Variants in ENTREP1 observed in about 807,000 individuals in gnomAD.
ENTREP1 encodes the protein Friedreich ataxia region gene X123.
chr9:69,367,744 CAT>C, the ENTREP1 span, among the ~76,000 whole-genome samples: 891 of 98,678 alleles, frequency 9.0e-3, 36 homozygotes, highest in South Asian at 0.023. Context: ...TATATATACA[CAT>C]ATATAAATAT....
the ENTREP1 span, among the ~76,000 whole-genome samples, chr9:69,333,228 G>A: frequency 6.6e-6 from 1 of 152,106 alleles, no homozygotes; most frequent in African/African-American, 2.4e-5. Context: ...ATGTGGCTGT[G>A]TAGGTGAGGG....
At chr9:69,377,712 G>A in the ENTREP1 span, 10 of 1,613,976 alleles carry the variant, frequency 6.2e-6, no homozygotes, top group Middle Eastern at 1.7e-4. Flanking sequence ...ATTTTGCCAC[G>A]TTTTACTCGT....
chr9:69,358,880 T>TTTTTTC, the ENTREP1 span, among the ~76,000 whole-genome samples: 1 of 148,946 alleles, frequency 6.7e-6, no homozygotes. Flanking sequence ...TAAAGCCTTT[T>TTTTTTC]TTTTTCTTTT....
the ENTREP1 span, among the ~76,000 whole-genome samples, chr9:69,357,829 TTTAA>T: frequency 4.1e-4 from 62 of 152,194 alleles, no homozygotes; most frequent in African/African-American, 8.0e-4. Flanking sequence ...GTGCCTTGTC[TTTAA>T]TTATTTTTTT....
chr9:69,380,395 A>T, the ENTREP1 span: 4 of 152,192 alleles, frequency 2.6e-5, no homozygotes, highest in African/African-American at 7.2e-5. Flanking sequence ...AATATTCATG[A>T]TTGTTACTAT....
the ENTREP1 span, among the ~76,000 whole-genome samples, chr9:69,375,064 G>T: frequency 2.0e-5 from 3 of 152,186 alleles, no homozygotes; most frequent in South Asian, 2.1e-4. Flanking sequence ...GTTGTTTAAA[G>T]GGACTGAATT....
chr9:69,375,977 T>C, the ENTREP1 span: 1 of 1,128,886 alleles, frequency 8.9e-7, no homozygotes, highest in Non-Finnish European at 1.2e-6. Flanking sequence ...ATTAAGCTGC[T>C]GAAAGCGCAT....
the ENTREP1 span, among the ~76,000 whole-genome samples, chr9:69,326,270 A>G: frequency 2.0e-5 from 3 of 152,290 alleles, no homozygotes; most frequent in African/African-American, 7.2e-5. Context: ...AGACGAGTTC[A>G]GGAGGTAATG....
chr9:69,366,386 T>G, the ENTREP1 span, among the ~76,000 whole-genome samples: 1 of 70,896 alleles, frequency 1.4e-5, no homozygotes, highest in Non-Finnish European at 3.7e-5. Flanking sequence ...CCAACTGGGG[T>G]TTTTTTTTTT....
chr9:69,380,863 C>T, the ENTREP1 span: 1 of 152,702 alleles, frequency 6.5e-6, no homozygotes, highest in Non-Finnish European at 1.5e-5. Flanking sequence ...CCCCAAACCC[C>T]ACTCATTTCC....
At chr9:69,374,006 CTT>C in the ENTREP1 span, among the ~76,000 whole-genome samples, 1 of 152,110 alleles carries the variant, frequency 6.6e-6, no homozygotes, top group Non-Finnish European at 1.5e-5. Flanking sequence ...TTTAGTGTCT[CTT>C]TTCAGGCAGT....
the ENTREP1 span, chr9:69,383,335 T>C: frequency 1.8e-5 from 19 of 1,083,184 alleles, no homozygotes; most frequent in East Asian, 8.9e-4. Flanking sequence ...TTCTCCCCCA[T>C]CCCCTGGCAG....
At chr9:69,387,474 T>A in the ENTREP1 span, 1 of 181,284 alleles carries the variant, frequency 5.5e-6, no homozygotes, top group African/African-American at 2.4e-5. Context: ...GAAGCATTGC[T>A]GGTCTTTACA....
the ENTREP1 span, among the ~76,000 whole-genome samples, chr9:69,370,235 A>G: frequency 0.062 from 9,439 of 152,232 alleles, 409 homozygotes; most frequent in East Asian, 0.11. Context: ...CCATAGTAAC[A>G]GTGATTGTGT....
the ENTREP1 span, among the ~76,000 whole-genome samples, chr9:69,340,637 G>A: frequency 0.27 from 10,475 of 39,276 alleles, 605 homozygotes; most frequent in Middle Eastern, 0.35. Flanking sequence ...GTGTGTGTGC[G>A]TGCATGTGTG....
the ENTREP1 span, among the ~76,000 whole-genome samples, chr9:69,372,812 A>C: frequency 6.6e-6 from 1 of 151,570 alleles, no homozygotes; most frequent in Non-Finnish European, 1.5e-5. Flanking sequence ...ACGGGTTCCA[A>C]TTTCTGCACA....
At chr9:69,333,886 C>T in the ENTREP1 span, among the ~76,000 whole-genome samples, 4 of 152,214 alleles carry the variant, frequency 2.6e-5, no homozygotes, top group Non-Finnish European at 1.5e-5. Flanking sequence ...CATGTGCACA[C>T]ACATGCAAGC....
the ENTREP1 span, among the ~76,000 whole-genome samples, chr9:69,360,894 A>C: frequency 1.1e-4 from 7 of 62,116 alleles, no homozygotes; most frequent in Admixed American, 1.1e-3. Context: ...TTGCATGTAA[A>C]TTGCAAAAAA....
chr9:69,347,690 A>C, the ENTREP1 span, among the ~76,000 whole-genome samples: 1 of 152,208 alleles, frequency 6.6e-6, no homozygotes, highest in South Asian at 2.1e-4. Flanking sequence ...CAGACAAGTC[A>C]TGGTCCTGGA....
Sources: allele counts gnomAD v4.1 joint callset (sites outside exome capture counted in the v4.1 genomes callset), GRCh38; gene constraint gnomAD v4.1.1; transcripts MANE v1.5; gene names NCBI Gene and HGNC (gene_info 2026-07-23, HGNC 2026-07-21).